Variants in ST3GAL3 observed in about 807,000 individuals in gnomAD.
ST3GAL3 encodes the protein ST3 beta-galactoside alpha-2,3-sialyltransferase 3.
In ST3GAL3, 21 loss-of-function variants were observed where a neutral mutation model predicts 50.1. The observed-to-expected ratio is 0.42, with a 90% CI of 0.30 to 0.60. The LOEUF is 0.60. ST3GAL3 is among the 20% of genes least tolerant of loss of function. The probability of loss-of-function intolerance (pLI) is 0.19; values close to 1 mark genes in which losing one functional copy is unlikely to be tolerated. For missense variants in ST3GAL3, 353 were observed against 489.4 expected, an observed-to-expected ratio of 0.72 and a Z score of 2.63; for synonymous variants, 183 against 190.0, an observed-to-expected ratio of 0.96 and a Z score of 0.30.
At chr1:43,743,293 A>G (rs1455496798) in intron 2 of ST3GAL3, among the ~76,000 whole-genome samples, 3 of 113,952 alleles carry the variant, frequency 2.6e-5, no homozygotes, top group Admixed American at 8.7e-5. Flanking sequence ...ATTGGGGGAA[A>G]AAACCTAGGT....
chr1:43,838,008 G>A (rs1312863417), intron 4 of ST3GAL3, among the ~76,000 whole-genome samples: 1 of 130,888 alleles, frequency 7.6e-6, no homozygotes, highest in Non-Finnish European at 1.7e-5. Context: ...CCAGCCACTC[G>A]GGAGGCTGAG....
intron 2 of ST3GAL3, among the ~76,000 whole-genome samples, chr1:43,740,086 G>A (rs751769945): frequency 1.5e-4 from 23 of 152,022 alleles, no homozygotes; most frequent in African/African-American, 3.4e-4. Context: ...TTTCTTGGCC[G>A]GACACAGTGG....
rs189082463 is a variant in ST3GAL3, at chr1:43,906,428, C to T, written c.744+6701C>T. ...CCACCTCCTCCTGTTCCTCTTCCCACCACTCTTCCCCCTCCTCCTCCTGCT... is the reference window on the plus strand; with the variant it reads ...CCACCTCCTCCTGTTCCTCTTCCCATCACTCTTCCCCCTCCTCCTCCTGCT... On this transcript the variant is annotated intron_variant, in intron 9 of 11. Transcript: ENST00000347631. Among the ~76,000 whole-genome samples, 786 of 141,476 alleles carry T rather than the reference C, an allele frequency of 5.6e-3. 9 individuals are homozygous for T. Among genetic ancestry groups the T allele is most frequent in the African/African-American group, 0.019 (715 of 37,320 alleles). 92.8% of individuals were successfully genotyped at this position (141,476 alleles called of 152,430 possible).
intron 1 of ST3GAL3, among the ~76,000 whole-genome samples, chr1:43,710,055 G>C (rs190297222): frequency 7.1e-4 from 108 of 152,102 alleles, no homozygotes; most frequent in Admixed American, 2.2e-3. Context: ...GCCAGGTCTT[G>C]TTGACCCTAC....
chr1:43,730,217 T>A (rs1446703565), intron 1 of ST3GAL3, among the ~76,000 whole-genome samples: 1 of 152,246 alleles, frequency 6.6e-6, no homozygotes, highest in African/African-American at 2.4e-5. Context: ...TACTTCAGCC[T>A]TCTCACTGCC....
At chr1:43,813,134 A>G (rs1558413086) in intron 3 of ST3GAL3, among the ~76,000 whole-genome samples, 1 of 152,164 alleles carries the variant, frequency 6.6e-6, no homozygotes, top group Non-Finnish European at 1.5e-5. Flanking sequence ...TGAGTTTGCA[A>G]CCATGAGGGA....
intron 9 of ST3GAL3, among the ~76,000 whole-genome samples, chr1:43,902,486 TC>T (rs763650230): frequency 1.3e-5 from 2 of 152,210 alleles, no homozygotes; most frequent in Admixed American, 6.5e-5. Context: ...CTTACCTTCT[TC>T]CATCTGAGAA....
At chr1:43,731,557 A>AT (rs147263689) in intron 1 of ST3GAL3, among the ~76,000 whole-genome samples, 1,512 of 123,532 alleles carry the variant, frequency 0.012, 32 homozygotes, top group African/African-American at 0.036. Context: ...GCTAATTTTA[A>AT]TTTTTTTTTT....
At chr1:43,759,537 G>GA (rs1442470931) in intron 2 of ST3GAL3, among the ~76,000 whole-genome samples, 1 of 152,246 alleles carries the variant, frequency 6.6e-6, no homozygotes, top group East Asian at 1.9e-4. Flanking sequence ...GTTTAAGCAA[G>GA]AAGAGCTGTG....
chr1:43,904,723 A>C (rs113889553), intron 9 of ST3GAL3, among the ~76,000 whole-genome samples: 872 of 36,798 alleles, frequency 0.024, 2 homozygotes, highest in African/African-American at 0.036. Flanking sequence ...ACTCTTCCTC[A>C]CCCTCCCCCT....
At chr1:43,882,137 C>T (rs1273793088) in intron 5 of ST3GAL3, among the ~76,000 whole-genome samples, 1 of 152,230 alleles carries the variant, frequency 6.6e-6, no homozygotes, top group African/African-American at 2.4e-5. Context: ...GTTTGGTCAG[C>T]CCTGTGTGGC....
chr1:43,740,231 C>T (rs1476968986), intron 2 of ST3GAL3, among the ~76,000 whole-genome samples: 10 of 151,410 alleles, frequency 6.6e-5, no homozygotes, highest in South Asian at 2.1e-4. Flanking sequence ...GGTGTGGTGG[C>T]GCGCCCCTGT....
intron 2 of ST3GAL3, among the ~76,000 whole-genome samples, chr1:43,751,376 C>T (rs1686000068): frequency 1.3e-5 from 2 of 152,104 alleles, no homozygotes; most frequent in Non-Finnish European, 2.9e-5. Context: ...ATCAGTTTTA[C>T]TTCCTAAAGA....
chr1:43,810,056 GA>G (rs990409441), intron 3 of ST3GAL3, among the ~76,000 whole-genome samples: 20 of 151,340 alleles, frequency 1.3e-4, no homozygotes, highest in African/African-American at 4.4e-4. Flanking sequence ...CATTACTGGG[GA>G]AAAAAAATGA....
chr1:43,812,865 T>C (rs2060720607), intron 3 of ST3GAL3, among the ~76,000 whole-genome samples: 1 of 144,720 alleles, frequency 6.9e-6, no homozygotes, highest in Non-Finnish European at 1.6e-5. Context: ...AAATTTAATA[T>C]GCAGTGTGTG....
chr1:43,759,534 C>G (rs947000039), intron 2 of ST3GAL3, among the ~76,000 whole-genome samples: 1 of 152,180 alleles, frequency 6.6e-6, no homozygotes, highest in Non-Finnish European at 1.5e-5. Flanking sequence ...GTAGTTTAAG[C>G]AAGAAGAGCT....
intron 3 of ST3GAL3, among the ~76,000 whole-genome samples, chr1:43,806,275 G>T (rs781696370): frequency 1.3e-5 from 2 of 152,176 alleles, no homozygotes; most frequent in African/African-American, 4.8e-5. Context: ...TGAAGGATGA[G>T]CAAGATGAGT....
chr1:43,764,764 A>G (rs1691924255), intron 2 of ST3GAL3, among the ~76,000 whole-genome samples: 1 of 152,202 alleles, frequency 6.6e-6, no homozygotes, highest in Admixed American at 6.5e-5. Context: ...AGGAAGGGGC[A>G]TGGCCGTGGG....
intron 4 of ST3GAL3, among the ~76,000 whole-genome samples, chr1:43,817,562 T>TCTTC (rs2061450328): frequency 2.5e-5 from 1 of 40,606 alleles, no homozygotes; most frequent in African/African-American, 1.3e-4. Flanking sequence ...CTTCTCCTTC[T>TCTTC]TCCTTCTTCT....
Sources: allele counts gnomAD v4.1 joint callset (sites outside exome capture counted in the v4.1 genomes callset), GRCh38; gene constraint gnomAD v4.1.1; transcripts MANE v1.5; gene names NCBI Gene and HGNC (gene_info 2026-07-23, HGNC 2026-07-21).